The following BTBD7 variants were observed in gnomAD, a reference collection of about 807,000 sequenced individuals.
BTBD7 encodes the protein BTB/POZ domain-containing protein 7.
In BTBD7, 38 loss-of-function variants were observed where a neutral mutation model predicts 99.9. The observed-to-expected ratio is 0.38, with a 90% confidence interval of 0.29 to 0.50. The LOEUF (loss-of-function observed/expected upper bound fraction) is 0.50. Among genes scored for constraint, BTBD7 ranks in the 20% least tolerant of loss-of-function variants. The probability of loss-of-function intolerance (pLI) is 0.93; values close to 1 mark genes in which losing one functional copy is unlikely to be tolerated. For synonymous variants in BTBD7, 520 were observed against 511.4 expected (o/e 1.02, Z -0.23); for missense variants, 1,170 against 1,394.6 (o/e 0.84, Z 2.57).
intron 1 of BTBD7, among the ~76,000 whole-genome samples, chr14:93,300,438 A>G (rs1157625645): frequency 6.6e-6 from 1 of 151,534 alleles, no homozygotes; most frequent in East Asian, 1.9e-4. Flanking sequence ...TTGTATTTTT[A>G]GTAGGGACAG....
chr14:93,287,309 C>A (rs1028592465), intron 3 of BTBD7, among the ~76,000 whole-genome samples: 8 of 147,452 alleles, frequency 5.4e-5, no homozygotes, highest in Admixed American at 4.8e-4. Flanking sequence ...CAATGCTAAC[C>A]CTAAACCCCC....
chr14:93,258,576 T>C, intron 5 of BTBD7, among the ~76,000 whole-genome samples: 1 of 152,046 alleles, frequency 6.6e-6, no homozygotes, highest in East Asian at 1.9e-4. Context: ...AAACTACCTT[T>C]TATTTATTTT....
At chr14:93,276,026 G>A (rs1281158869) in intron 3 of BTBD7, among the ~76,000 whole-genome samples, 11 of 152,004 alleles carry the variant, frequency 7.2e-5, no homozygotes. Flanking sequence ...ACCAGCTTGG[G>A]CAACACAGTG....
chr14:93,269,281 T>C (rs1190294467), intron 3 of BTBD7, among the ~76,000 whole-genome samples: 1 of 152,186 alleles, frequency 6.6e-6, no homozygotes, highest in Non-Finnish European at 1.5e-5. Context: ...TTAATGATAA[T>C]ACAACTTTGT....
At chr14:93,269,985 C>G (rs1375623042) in intron 3 of BTBD7, among the ~76,000 whole-genome samples, 1 of 152,228 alleles carries the variant, frequency 6.6e-6, no homozygotes, top group Non-Finnish European at 1.5e-5. Context: ...AACCCAGAAA[C>G]TTATTAGAAA....
At chr14:93,262,092 G>GA (rs1375484204) in intron 4 of BTBD7, among the ~76,000 whole-genome samples, 1 of 151,050 alleles carries the variant, frequency 6.6e-6, no homozygotes, top group Non-Finnish European at 1.5e-5. Flanking sequence ...TCAGCCTCCT[G>GA]AGCAGCTGGG....
chr14:93,296,236 A>G, intron 1 of BTBD7, 79 bp from the exon 2 acceptor site: 1 of 1,075,096 alleles, frequency 9.3e-7, no homozygotes, highest in Non-Finnish European at 1.2e-6. Flanking sequence ...AAGCTACTGA[A>G]AACTGCTTTC....
At chr14:93,264,323 C>CA (rs2052519893) in intron 3 of BTBD7, among the ~76,000 whole-genome samples, 1 of 152,044 alleles carries the variant, frequency 6.6e-6, no homozygotes, top group Non-Finnish European at 1.5e-5. Flanking sequence ...GAAGAGTAGG[C>CA]AAAAAGGCTG....
chr14:93,327,448 T>C (rs1450780187), intron 1 of BTBD7, among the ~76,000 whole-genome samples: 2 of 152,178 alleles, frequency 1.3e-5, no homozygotes, highest in Non-Finnish European at 2.9e-5. Flanking sequence ...AACAGGTCTG[T>C]AAATGTACAA....
At chr14:93,268,469 A>G (rs192186585) in intron 3 of BTBD7, among the ~76,000 whole-genome samples, 318 of 152,320 alleles carry the variant, frequency 2.1e-3, no homozygotes, top group African/African-American at 7.3e-3. Context: ...AAAAGCAAAT[A>G]ATAATAGTAG....
chr14:93,300,779 T>C (rs1332625325), intron 1 of BTBD7, among the ~76,000 whole-genome samples: 2 of 104,650 alleles, frequency 1.9e-5, no homozygotes, highest in Non-Finnish European at 3.8e-5. Context: ...TGTGTATATA[T>C]ATATATATTT....
intron 7 of BTBD7, 147 bp downstream of exon 7, chr14:93,253,500 T>G (rs2052391226): frequency 1.6e-6 from 1 of 609,616 alleles, no homozygotes; most frequent in Admixed American, 3.8e-5. Flanking sequence ...ACTATTCTGT[T>G]GAGTAGTCAA....
intron 1 of BTBD7, among the ~76,000 whole-genome samples, chr14:93,313,930 A>G (rs998010299): frequency 1.3e-5 from 2 of 150,810 alleles, no homozygotes; most frequent in Non-Finnish European, 3.0e-5. Context: ...TTTTTTTGGT[A>G]CAGACGGGTC....
chr14:93,307,443 A>G (rs1566859918), intron 1 of BTBD7, among the ~76,000 whole-genome samples: 2 of 152,230 alleles, frequency 1.3e-5, no homozygotes, highest in Admixed American at 6.5e-5. Context: ...GGCACGAGCC[A>G]GCACACCCAG....
intron 1 of BTBD7, among the ~76,000 whole-genome samples, chr14:93,329,777 AG>A (rs1395876962): frequency 6.6e-6 from 1 of 152,172 alleles, no homozygotes; most frequent in Non-Finnish European, 1.5e-5. Flanking sequence ...TGTGGGTGCC[AG>A]GGGCTGGGGG....
At chr14:93,324,668 T>C (rs1184090449) in intron 1 of BTBD7, among the ~76,000 whole-genome samples, 2 of 152,160 alleles carry the variant, frequency 1.3e-5, no homozygotes, top group African/African-American at 4.8e-5. Context: ...TGTGTTCCCT[T>C]GTTCACATAC....
intron 3 of BTBD7, among the ~76,000 whole-genome samples, chr14:93,274,573 G>T (rs1479957840): frequency 1.3e-5 from 2 of 152,198 alleles, no homozygotes; most frequent in Non-Finnish European, 2.9e-5. Context: ...GCTCATCAGT[G>T]AGTTCCAGTA....
At chr14:93,264,058 C>T in intron 3 of BTBD7, 65 bp from the exon 4 acceptor site, 2 of 1,418,430 alleles carry the variant, frequency 1.4e-6, no homozygotes, top group Non-Finnish European at 2.0e-6. Flanking sequence ...CATTAGTGTG[C>T]TAGGCACGAT....
Position 93,294,829 on chromosome 14 carries a change from G to C in BTBD7, c.191C>G (p.Ala64Gly), listed in dbSNP as rs1456988565. ...CTTAATAAACTTCTTTTTGAGGGTG[G>C]CAAGACCAGAGGTTCTCTTTTTTTT... ...QDKKKRTSGL[A>G]TLKKKFIKRR... The change falls in exon 3 of 11, where the codon GCC becomes GGC. Residue 64 changes from alanine to glycine, a missense_variant. By Grantham distance (60) the Ala-to-Gly change is moderately conservative (BLOSUM62 0). Transcript: ENST00000334746. 4 of 1,614,012 alleles carry C rather than the reference G, an allele frequency of 2.5e-6. No homozygotes were observed. The highest frequency in any genetic ancestry group is 1.1e-5 in the South Asian group (1 of 91,076).
Sources: gnomAD v4.1 joint callset for allele counts (sites outside exome capture counted in the v4.1 genomes callset) on GRCh38, gnomAD v4.1.1 for gene constraint, MANE v1.5 for transcripts, NCBI Gene and HGNC (gene_info 2026-07-23, HGNC 2026-07-21) for gene names.